The following NAV2 variants were observed in gnomAD, a reference collection of about 807,000 sequenced individuals.
NAV2 encodes helicase, APC down-regulated 1.
Under a neutral mutation model 223.2 loss-of-function variants are expected in NAV2, and 54 were observed. The ratio of observed to expected loss-of-function variants is 0.24; its 90% CI spans 0.19 to 0.30. NAV2 has a LOEUF of 0.30. Among genes scored for constraint, NAV2 ranks in the 10% least tolerant of loss-of-function variants. NAV2 has a pLI of 1.00. For synonymous variants in NAV2, 1,279 were observed against 1,239.3 expected, an observed-to-expected ratio of 1.03 and a Z score of -0.67; for missense variants, 2,806 against 3,147.5, an observed-to-expected ratio of 0.89 and a Z score of 2.60.
intron 23 of NAV2, 21 bp from the exon 24 acceptor site, chr11:20,077,972 A>G (rs2059866015): frequency 1.3e-6 from 2 of 1,584,222 alleles, no homozygotes; most frequent in Non-Finnish European, 1.7e-6. Context: ...AGGCTGACCA[A>G]TAATTTTTTC....
chr11:19,707,163 C>T (rs1023281724), intron 1 of NAV2, among the ~76,000 whole-genome samples: 1 of 152,110 alleles, frequency 6.6e-6, no homozygotes, highest in Non-Finnish European at 1.5e-5. Flanking sequence ...TTGCTGTACA[C>T]TATTGCAGAG....
intron 5 of NAV2, among the ~76,000 whole-genome samples, chr11:19,885,201 A>G (rs1433626274): frequency 2.0e-5 from 3 of 152,238 alleles, no homozygotes; most frequent in Non-Finnish European, 4.4e-5. Flanking sequence ...TATTGTCTCC[A>G]TTTCACAGAT....
Position 19,779,306 on chromosome 11 carries a change from C to T in NAV2, c.268-53178C>T, listed in dbSNP as rs181414853. On this transcript the variant is annotated intron_variant, in intron 1 of 37. Transcript: ENST00000349880. ...AGCAGTTTCTGTCCCGTGTATCCCA[C>T]TGCCCCAGAGCCCAGGCAGGAAGAG... 1.1e-4 allele frequency among the ~76,000 whole-genome samples: 17 copies of T among 152,354 alleles called. No individual in the cohort carries two copies. In the East Asian group the frequency reaches 3.3e-3, roughly 29 times the overall value.
intron 1 of NAV2, among the ~76,000 whole-genome samples, chr11:19,604,017 G>A (rs2046416704): frequency 6.6e-6 from 1 of 151,818 alleles, no homozygotes; most frequent in Non-Finnish European, 1.5e-5. Context: ...GGAAGAGCGT[G>A]TGGCTGGGGG....
rs116179526 is a variant in NAV2, at chr11:19,357,591, G to T, written c.75+6564G>T. Among the ~76,000 whole-genome samples the T allele has an allele frequency of 8.6e-3, 1,315 of 152,270 alleles. 17 individuals are homozygous for T. Among genetic ancestry groups the T allele is most frequent in the African/African-American group, 0.03 (1,249 of 41,550 alleles). ...AAATCCCTGTAAGAGGCCTATTGGA[G>T]GAGTAAAATGGGGATGGGGGTGGGT... On this transcript the variant is annotated intron_variant, in intron 1 of 37. Coordinates refer to the NAV2 transcript ENST00000360655.
intron 1 of NAV2, among the ~76,000 whole-genome samples, chr11:19,526,199 T>C (rs1186984301): frequency 1.3e-5 from 2 of 152,206 alleles, no homozygotes; most frequent in Non-Finnish European, 2.9e-5. Context: ...TCACTGTGTT[T>C]TAATCAAGCA....
chr11:19,491,955 A>AAGAGAG (rs150403869), intron 1 of NAV2, among the ~76,000 whole-genome samples: 41 of 120,950 alleles, frequency 3.4e-4, no homozygotes, highest in African/African-American at 1.1e-3. Flanking sequence ...GGGAGACTCA[A>AAGAGAG]AGAGAGAGAG....
intron 1 of NAV2, among the ~76,000 whole-genome samples, chr11:19,367,608 T>C (rs901411024): frequency 3.3e-5 from 5 of 152,182 alleles, no homozygotes; most frequent in Admixed American, 3.3e-4. Flanking sequence ...CCATCTGCTC[T>C]TGGAGTCATC....
intron 3 of NAV2, among the ~76,000 whole-genome samples, chr11:19,855,331 G>T (rs910786036): frequency 2.9e-4 from 44 of 152,136 alleles, no homozygotes; most frequent in Non-Finnish European, 1.5e-5. Context: ...CTTGCCCAGA[G>T]GTGGCCAAGG....
intron 10 of NAV2, among the ~76,000 whole-genome samples, chr11:19,959,649 G>A (rs185178175): frequency 5.9e-5 from 9 of 152,238 alleles, no homozygotes; most frequent in East Asian, 5.8e-4. Flanking sequence ...TCAGCGCATC[G>A]TGCAGGATAA....
chr11:19,674,324 G>A (rs987146313), intron 1 of NAV2, among the ~76,000 whole-genome samples: 5 of 152,176 alleles, frequency 3.3e-5, no homozygotes, highest in Admixed American at 2.0e-4. Flanking sequence ...GGGAGGGCGC[G>A]CTCTCAAAAG....
intron 11 of NAV2, among the ~76,000 whole-genome samples, chr11:20,017,882 C>T (rs2054145413): frequency 6.6e-6 from 1 of 152,208 alleles, no homozygotes; most frequent in South Asian, 2.1e-4. Flanking sequence ...GTGTCCCATA[C>T]ACACAGATCC....
chr11:19,387,102 T>TGCTCACACACACACTCGC (rs1177992472), intron 1 of NAV2, among the ~76,000 whole-genome samples: 7 of 152,318 alleles, frequency 4.6e-5, no homozygotes, highest in Non-Finnish European at 1.0e-4. Context: ...TTGCTAAGTG[T>TGCTCACACACACACTCGC]GCTCACACAC....
chr11:19,544,188 G>A (rs186621592), intron 1 of NAV2, among the ~76,000 whole-genome samples: 3 of 152,334 alleles, frequency 2.0e-5, no homozygotes, highest in African/African-American at 7.2e-5. Context: ...TGTTGGCAGA[G>A]TTGATTTCCA....
intron 1 of NAV2, among the ~76,000 whole-genome samples, chr11:19,544,545 A>T (rs188353002): frequency 2.6e-5 from 4 of 152,342 alleles, no homozygotes; most frequent in Non-Finnish European, 4.4e-5. Flanking sequence ...GGCAGGGATT[A>T]GCTGGGCCAC....
chr11:19,749,192 G>C (rs1440399735), intron 1 of NAV2, among the ~76,000 whole-genome samples: 1 of 152,140 alleles, frequency 6.6e-6, no homozygotes, highest in African/African-American at 2.4e-5. Context: ...GTTGATAACT[G>C]TTTATAGACA....
intron 1 of NAV2, among the ~76,000 whole-genome samples, chr11:19,680,132 G>A (rs1209530082): frequency 1.3e-5 from 2 of 152,218 alleles, no homozygotes; most frequent in Non-Finnish European, 2.9e-5. Context: ...CATCAGGCTT[G>A]GGGGTTTGGA....
chr11:19,495,898 G>C (rs947838514), intron 1 of NAV2, among the ~76,000 whole-genome samples: 16 of 152,164 alleles, frequency 1.1e-4, no homozygotes, highest in Non-Finnish European at 2.2e-4. Context: ...GGGGGTCAGT[G>C]ACAGCGGGAG....
chr11:19,374,309 G>GTTTTTTT (rs10533713), intron 1 of NAV2, among the ~76,000 whole-genome samples: 1 of 124,594 alleles, frequency 8.0e-6, no homozygotes, highest in South Asian at 2.8e-4. Context: ...TTCCGAAAAG[G>GTTTTTTT]TTTTTTTTTT....
Sources: gnomAD v4.1 joint callset for allele counts (sites outside exome capture counted in the v4.1 genomes callset) on GRCh38, gnomAD v4.1.1 for gene constraint, MANE v1.5 for transcripts, NCBI Gene and HGNC (gene_info 2026-07-23, HGNC 2026-07-21) for gene names.